TNIP3: variants seen among roughly 807,000 people sequenced by gnomAD.
TNIP3 encodes TNFAIP3 interacting protein 3.
TNIP3 carries 34 observed loss-of-function variants against 54.1 expected under a neutral mutation model. The ratio of observed to expected loss-of-function variants is 0.63; its 90% CI spans 0.48 to 0.84. The LOEUF (loss-of-function observed/expected upper bound fraction) is 0.84, where lower values mean the gene tolerates loss of function less well. Ranked by LOEUF, TNIP3 falls within the 40% of genes least tolerant of loss-of-function variation. The pLI, the probability that TNIP3 is intolerant of heterozygous loss-of-function variation, is 0.00. For missense variants in TNIP3, 366 were observed against 387.6 expected (o/e 0.94, Z 0.47); for synonymous variants, 134 against 136.8 (o/e 0.98, Z 0.14).
At chr4:121,195,187 CT>C (rs1161759852) in intron 2 of TNIP3, among the ~76,000 whole-genome samples, 8 of 151,990 alleles carry the variant, frequency 5.3e-5, no homozygotes, top group Admixed American at 4.6e-4. Context: ...AAAAAAACTT[CT>C]TAATTAAGTC....
rs200435163 is a variant in TNIP3 at position 121,141,801 on chromosome 4, T to C, written c.885+15A>G. 3 of 1,495,404 alleles carry C rather than the reference T, an allele frequency of 2.0e-6. No homozygotes were observed. The highest frequency in any genetic ancestry group is 2.2e-5 in the Admixed American group (1 of 44,668). 92.6% of individuals were successfully genotyped at this position (1,495,404 alleles called of 1,614,324 possible). A position where few individuals can be genotyped will look rare whatever the true frequency, so the allele number is the denominator to read the frequency against. ...ACAGTATACTAAGCACTTTTTCAAA[T>C]GCACTCTTACTTACTGGGTGCTCCC... On this transcript the variant is annotated intron_variant, in intron 9 of 10. Coordinates refer to ENST00000057513, the MANE Select transcript of TNIP3 (RefSeq NM_024873.6).
intron 2 of TNIP3, among the ~76,000 whole-genome samples, chr4:121,192,418 C>G (rs1725351009): frequency 6.6e-6 from 1 of 152,170 alleles, no homozygotes; most frequent in Non-Finnish European, 1.5e-5. Context: ...AAGCGCAAGC[C>G]ACTTTTTGTC....
At chr4:121,196,482 G>A (rs1165393374) in intron 2 of TNIP3, among the ~76,000 whole-genome samples, 2 of 152,064 alleles carry the variant, frequency 1.3e-5, no homozygotes, top group African/African-American at 4.8e-5. Flanking sequence ...GCAATTTTGT[G>A]TGGTTGACTA....
At position 121,153,216 on chromosome 4, in the gene TNIP3, G is replaced by T. The variant is rs554554304; in HGVS notation, c.492+1335C>A. 5.8e-4 allele frequency among the ~76,000 whole-genome samples: 88 copies of T among 152,130 alleles called. 1 individual carries two copies. The highest frequency in any genetic ancestry group is 2.1e-3 in the African/African-American group (86 of 41,510). On this transcript the variant is annotated intron_variant, in intron 5 of 10. Coordinates refer to ENST00000057513, the MANE Select transcript of TNIP3 (RefSeq NM_024873.6). ...TAAATTATATAATCACCGGAATGATGAAAAATTGTATTTTTCTAACTTGAA... is the reference window on the plus strand; with the variant it reads ...TAAATTATATAATCACCGGAATGATTAAAAATTGTATTTTTCTAACTTGAA...
chr4:121,132,559 G>T lies in TNIP3; in HGVS notation c.*72C>A. 7.1e-7 allele frequency: 1 copy of T among 1,411,440 alleles called. No individual in the cohort carries two copies. 87.4% of individuals were successfully genotyped at this position (1,411,440 alleles called of 1,614,324 possible). A position where few individuals can be genotyped will look rare whatever the true frequency, so the allele number is the denominator to read the frequency against. On this transcript the variant is annotated 3_prime_UTR_variant, in exon 11 of 11. Transcript: ENST00000057513. ...GCCTTTGTGGCAGAAACAAGCCTCA[G>T]TATAAACAAAGAAGAGGGTCCTCAG...
At position 121,216,337 on chromosome 4, in the gene TNIP3, T is replaced by A. The variant is rs565064263; in HGVS notation, c.68+78A>T. ...CTTCTCTTCTACTCTTAATACACTA[T>A]CATTGCCACAAAGCAGAAGTGCTCT... On this transcript the variant is annotated intron_variant, in intron 2 of 12. Transcript: ENST00000507879. 7.3e-6 allele frequency: 9 copies of A among 1,236,464 alleles called. No homozygotes were observed. The African/African-American group carries it at 1.0e-4, about 14-fold the overall frequency. 76.6% of individuals were successfully genotyped at this position (1,236,464 alleles called of 1,614,324 possible).
At chr4:121,192,006 A>G (rs1725331703) in intron 2 of TNIP3, among the ~76,000 whole-genome samples, 1 of 152,226 alleles carries the variant, frequency 6.6e-6, no homozygotes, top group Admixed American at 6.5e-5. Context: ...TAAAAATTTT[A>G]TAATAGAAAT....
intron 5 of TNIP3, among the ~76,000 whole-genome samples, chr4:121,152,384 A>T (rs1729812624): frequency 6.6e-6 from 1 of 152,208 alleles, no homozygotes; most frequent in Admixed American, 6.5e-5. Context: ...TCATCACTTT[A>T]TATCTATACT....
At chr4:121,227,083 A>G (rs1043922467) in intron 1 of TNIP3, among the ~76,000 whole-genome samples, 1 of 152,218 alleles carries the variant, frequency 6.6e-6, no homozygotes, top group Non-Finnish European at 1.5e-5. Context: ...ACTTAGTTAA[A>G]TGTGTCATTT....
At chr4:121,160,315 C>T (rs1339465704) in intron 2 of TNIP3, among the ~76,000 whole-genome samples, 2 of 152,046 alleles carry the variant, frequency 1.3e-5, no homozygotes, top group Non-Finnish European at 2.9e-5. Context: ...CCCATCTCTA[C>T]TAAAGATACA....
intron 2 of TNIP3, among the ~76,000 whole-genome samples, chr4:121,216,045 A>C (rs1191959640): frequency 6.6e-6 from 1 of 152,138 alleles, no homozygotes; most frequent in African/African-American, 2.4e-5. Flanking sequence ...GATTAAGCAA[A>C]TCAGGAGAAA....
chr4:121,184,486 G>C (rs548112020), intron 2 of TNIP3, among the ~76,000 whole-genome samples: 4 of 152,266 alleles, frequency 2.6e-5, no homozygotes, highest in African/African-American at 9.6e-5. Context: ...TGTCTGGAGT[G>C]AGCTGAGAAT....
chr4:121,226,201 T>G (rs1436498157), intron 1 of TNIP3, among the ~76,000 whole-genome samples: 2 of 137,098 alleles, frequency 1.5e-5, no homozygotes, highest in African/African-American at 2.8e-5. Context: ...AGACAGAGAG[T>G]GACAGGAAAA....
intron 2 of TNIP3, among the ~76,000 whole-genome samples, chr4:121,205,970 G>A (rs1177254572): frequency 6.6e-6 from 1 of 152,090 alleles, no homozygotes; most frequent in African/African-American, 2.4e-5. Flanking sequence ...TGGCAAGAAG[G>A]AGAAGTGCCG....
Position 121,164,318 on chromosome 4 carries a change from G to C in TNIP3, c.-193C>G. On this transcript the variant is annotated 5_prime_UTR_variant, in exon 1 of 11. Transcript: ENST00000057513. Reference sequence around the variant, plus strand: ...AGTGACTGTGGATAGGAATTACACAGAATAAAGTTATAAGCACTGCAACTG... The same window carrying C: ...AGTGACTGTGGATAGGAATTACACACAATAAAGTTATAAGCACTGCAACTG... The C allele has an allele frequency of 7.2e-7, 1 of 1,392,442 alleles. No individual in the cohort carries two copies. Among genetic ancestry groups the C allele is most frequent in the Non-Finnish European group, 9.3e-7 (1 of 1,075,250 alleles). 86.3% of individuals were successfully genotyped at this position (1,392,442 alleles called of 1,614,324 possible).
At chr4:121,205,984 A>G (rs1261117625) in intron 2 of TNIP3, among the ~76,000 whole-genome samples, 1 of 152,100 alleles carries the variant, frequency 6.6e-6, no homozygotes, top group Non-Finnish European at 1.5e-5. Flanking sequence ...AGTGCCGAGT[A>G]AAGGGGGAAG....
intron 2 of TNIP3, among the ~76,000 whole-genome samples, chr4:121,190,196 T>C (rs890503688): frequency 7.2e-5 from 11 of 152,176 alleles, no homozygotes; most frequent in African/African-American, 2.7e-4. Context: ...AACACAGTGT[T>C]TTAACAGAAG....
intron 8 of TNIP3, 37 bp from the exon 9 acceptor site, chr4:121,141,951 G>A: frequency 7.0e-7 from 1 of 1,422,366 alleles, no homozygotes; most frequent in African/African-American, 1.4e-5. Context: ...CTACCAGTGG[G>A]AGAGACTGAG....
At chr4:121,219,381 G>A (rs574814930), upstream of TNIP3, among the ~76,000 whole-genome samples, 26 of 152,252 alleles carry the variant, frequency 1.7e-4, no homozygotes, top group South Asian at 5.2e-3. Context: ...TGCTAAAGAA[G>A]CAGCTGTTGC....
Sources: gnomAD v4.1 joint callset for allele counts (sites outside exome capture counted in the v4.1 genomes callset) on GRCh38, gnomAD v4.1.1 for gene constraint, MANE v1.5 for transcripts, NCBI Gene and HGNC (gene_info 2026-07-23, HGNC 2026-07-21) for gene names.